The following NCF2 variants were observed in gnomAD, a reference collection of about 807,000 sequenced individuals.
NCF2 encodes the protein neutrophil cytosol factor 2.
NCF2 carries 45 observed loss-of-function variants against 70.9 expected under a neutral mutation model. The observed-to-expected ratio is 0.63, with a 90% CI of 0.50 to 0.81. The LOEUF is 0.81. Among genes scored for constraint, NCF2 ranks in the 40% least tolerant of loss-of-function variants. The pLI is 0.00. For missense variants in NCF2, 522 were observed against 631.6 expected, an observed-to-expected ratio of 0.83 and a Z score of 1.86; for synonymous variants, 203 against 233.6, an observed-to-expected ratio of 0.87 and a Z score of 1.19.
At chr1:183,599,527 CTCTTTCTTTCTTTCTTTCCT>C in the NCF2 span, among the ~76,000 whole-genome samples, 2 of 135,928 alleles carry the variant, frequency 1.5e-5, no homozygotes, top group East Asian at 2.1e-4. Context: ...TTCTTTCTCT[CTCTTTCTTTCTTTCTTTCCT>C]TCTTTCTTTC....
intron 13 of NCF2, among the ~76,000 whole-genome samples, chr1:183,562,061 C>T (rs958891281): frequency 2.0e-5 from 3 of 151,912 alleles, no homozygotes; most frequent in Non-Finnish European, 2.9e-5. Flanking sequence ...TTTTCTTTCT[C>T]CTAGTAAGTG....
At chr1:183,583,446 C>T (rs1198408903) in intron 2 of NCF2, among the ~76,000 whole-genome samples, 2 of 152,246 alleles carry the variant, frequency 1.3e-5, no homozygotes, top group Non-Finnish European at 2.9e-5. Flanking sequence ...CAGTTACCCA[C>T]TTCTGCCTTG....
the NCF2 span, among the ~76,000 whole-genome samples, chr1:183,601,532 T>C: frequency 6.6e-6 from 1 of 152,198 alleles, no homozygotes; most frequent in South Asian, 2.1e-4. Context: ...AATTTCATTA[T>C]TAGCATTTTT....
At position 183,590,447 on chromosome 1, in the gene NCF2, A is replaced by C. The variant is rs1375502099; in HGVS notation, c.-118T>G. On this transcript the variant is annotated 5_prime_UTR_variant, in exon 1 of 15. Coordinates refer to ENST00000367535, the MANE Select transcript of NCF2 (RefSeq NM_000433.4). ...CCCCAAGGTGTTCACTTTCTGGGCC[A>C]GATGAGTAGAATGGGGCCCAGCCTC... The C allele has an allele frequency of 9.1e-7, 1 of 1,098,770 alleles. No individual in the cohort carries two copies. The highest frequency in any genetic ancestry group is 1.4e-6 in the Non-Finnish European group (1 of 730,786). 68.1% of individuals were successfully genotyped at this position (1,098,770 alleles called of 1,614,324 possible).
chr1:183,569,419 A>G (rs1437795062), intron 6 of NCF2, among the ~76,000 whole-genome samples: 2 of 152,120 alleles, frequency 1.3e-5, no homozygotes, highest in African/African-American at 4.8e-5. Flanking sequence ...ACAGCAATTC[A>G]TTTTGAGCCA....
intron 14 of NCF2, among the ~76,000 whole-genome samples, chr1:183,557,413 G>A (rs566660128): frequency 3.3e-5 from 5 of 152,304 alleles, no homozygotes; most frequent in Admixed American, 6.5e-5. Flanking sequence ...AGGGTAGGTC[G>A]TGGACTGGAA....
chr1:183,581,281 C>CAAA (rs1303349542), intron 2 of NCF2, among the ~76,000 whole-genome samples: 52 of 66,748 alleles, frequency 7.8e-4, no homozygotes, highest in African/African-American at 2.1e-3. Context: ...AATCCTGACT[C>CAAA]AAAAAAAAAA....
intron 3 of NCF2, among the ~76,000 whole-genome samples, chr1:183,574,973 A>C (rs531187446): frequency 1.3e-5 from 2 of 152,256 alleles, no homozygotes; most frequent in Non-Finnish European, 2.9e-5. Context: ...CTTTAGTAAA[A>C]GAGTGACTTG....
rs111447649 is a variant in NCF2, at chr1:183,576,298, C to A, written c.366+1301G>T. ...CCTCTCAGGGCCATTTTAACCCCAACTCCAGGGGAAACATTCCTCCCATGG... is the reference window on the plus strand; with the variant it reads ...CCTCTCAGGGCCATTTTAACCCCAAATCCAGGGGAAACATTCCTCCCATGG... On this transcript the variant is annotated intron_variant, in intron 3 of 14. Coordinates refer to ENST00000367535, the MANE Select transcript of NCF2 (RefSeq NM_000433.4). Among the ~76,000 whole-genome samples, 437 of 152,324 alleles carry A rather than the reference C, an allele frequency of 2.9e-3. 2 individuals are homozygous for A. Among genetic ancestry groups the A allele is most frequent in the African/African-American group, 9.6e-3 (399 of 41,564 alleles).
intron 3 of NCF2, among the ~76,000 whole-genome samples, chr1:183,576,319 C>T (rs762123568): frequency 6.6e-6 from 1 of 152,166 alleles, no homozygotes; most frequent in Admixed American, 6.5e-5. Flanking sequence ...ACATTCCTCC[C>T]ATGGAACTGT....
At chr1:183,585,967 A>G (rs186209070) in intron 2 of NCF2, among the ~76,000 whole-genome samples, 408 of 152,368 alleles carry the variant, frequency 2.7e-3, no homozygotes, top group African/African-American at 4.0e-3. Flanking sequence ...ATTTTGATCT[A>G]TGGCCTTCCA....
chr1:183,556,397 T>TAACC (rs1364500745), intron 14 of NCF2, among the ~76,000 whole-genome samples, 167 bp from the exon 15 acceptor site: 2 of 152,242 alleles, frequency 1.3e-5, no homozygotes, highest in Non-Finnish European at 2.9e-5. Flanking sequence ...ACACAGGGTT[T>TAACC]AACCATCTTA....
intron 2 of NCF2, among the ~76,000 whole-genome samples, chr1:183,579,045 C>T (rs1672932635): frequency 6.6e-6 from 1 of 152,204 alleles, no homozygotes; most frequent in African/African-American, 2.4e-5. Flanking sequence ...AGTCCCTAGG[C>T]CACCATCTGA....
chr1:183,560,202 A>G lies in NCF2; in HGVS notation c.1362T>C (p.Pro454=). ...KADANNQTTE[P]QLKKGSQVEA... The stretch of plus-strand genomic sequence containing the variant: ...CCACTTGGCTGCCTTTCTTAAGCTG[A>G]GGTTCTGTTGTCTGGTTATTAGCAT... Residue 454 remains proline, a synonymous_variant, in exon 14 of 15, where the codon CCT becomes CCC. Transcript: ENST00000367535. 2 of 1,614,162 alleles carry G rather than the reference A, an allele frequency of 1.2e-6. No individual in the cohort carries two copies. The highest frequency in any genetic ancestry group is 2.2e-5 in the South Asian group (2 of 91,076).
intron 14 of NCF2, among the ~76,000 whole-genome samples, chr1:183,557,835 A>G (rs1295931661): frequency 6.6e-6 from 1 of 151,776 alleles, no homozygotes; most frequent in Non-Finnish European, 1.5e-5. Context: ...CTGAGTTACC[A>G]TTCTCTCTTG....
intron 13 of NCF2, among the ~76,000 whole-genome samples, chr1:183,560,569 G>A (rs539386607): frequency 1.1e-4 from 16 of 152,222 alleles, no homozygotes; most frequent in Admixed American, 3.9e-4. Context: ...ACCTCAGATC[G>A]TCAGGCATTA....
At chr1:183,600,108 T>C in the NCF2 span, among the ~76,000 whole-genome samples, 2 of 152,218 alleles carry the variant, frequency 1.3e-5, no homozygotes, top group Non-Finnish European at 2.9e-5. Context: ...AAAATATTTC[T>C]TGACTCATAT....
At chr1:183,556,447 G>A (rs1181406987) in intron 14 of NCF2, among the ~76,000 whole-genome samples, 1 of 152,130 alleles carries the variant, frequency 6.6e-6, no homozygotes, top group East Asian at 1.9e-4. Flanking sequence ...AAATGAAGAA[G>A]GATAAATTAT....
the NCF2 span, among the ~76,000 whole-genome samples, chr1:183,600,376 T>C: frequency 6.6e-6 from 1 of 152,202 alleles, no homozygotes; most frequent in South Asian, 2.1e-4. Flanking sequence ...TGTCAGATGG[T>C]TCTTGACTCA....
Sources: allele counts gnomAD v4.1 joint callset (sites outside exome capture counted in the v4.1 genomes callset), GRCh38; gene constraint gnomAD v4.1.1; transcripts MANE v1.5; gene names NCBI Gene and HGNC (gene_info 2026-07-23, HGNC 2026-07-21).